The following SCD5 variants were observed in gnomAD, a reference collection of about 807,000 sequenced individuals.
SCD5 encodes the protein acyl-CoA-desaturase 4.
In SCD5, 20 loss-of-function variants were observed where a neutral mutation model predicts 30.4. That is an observed-to-expected ratio of 0.66 (90% CI 0.46 to 0.96). The LOEUF (loss-of-function observed/expected upper bound fraction) is 0.96, where lower values mean the gene tolerates loss of function less well. Ranked by LOEUF, SCD5 falls within the 40% of genes least tolerant of loss-of-function variation. SCD5 has a pLI of 0.00. For synonymous variants in SCD5, 173 were observed against 176.4 expected (o/e 0.98, Z 0.16); for missense variants, 381 against 443.3 (o/e 0.86, Z 1.26).
chr4:82,798,427 G>T lies in SCD5; in HGVS notation c.111C>A (p.Gly37=), dbSNP rs1229030978. Reference sequence around the variant, plus strand: ...CGATGTTCTGCCGCTGCCCGCGCGCGCCTGGCCTCTCCGGGCCGCCGCCGC... The same window carrying T: ...CGATGTTCTGCCGCTGCCCGCGCGCTCCTGGCCTCTCCGGGCCGCCGCCGC... The part of the protein sequence containing the change: ...SEGGGGPERP[G]ARGQRQNIVW... Residue 37 remains glycine, a synonymous_variant, in exon 1 of 5, where the codon GGC becomes GGA. Coordinates refer to ENST00000319540, the MANE Select transcript of SCD5 (RefSeq NM_001037582.3). The T allele has an allele frequency of 1.2e-6, 2 of 1,613,106 alleles. No homozygotes were observed. The highest frequency in any genetic ancestry group is 1.7e-6 in the Non-Finnish European group (2 of 1,179,666).
rs1270134335 is a variant in SCD5 at position 82,677,199 on chromosome 4, C to A, written c.569+3508G>T. Among the ~76,000 whole-genome samples the A allele has an allele frequency of 2.6e-5, 4 of 152,200 alleles. No homozygotes were observed. In the South Asian group the frequency reaches 8.3e-4, roughly 32 times the overall value. On this transcript the variant is annotated intron_variant, in intron 3 of 4. Coordinates refer to ENST00000319540, the MANE Select transcript of SCD5 (RefSeq NM_001037582.3). The stretch of plus-strand genomic sequence containing the variant: ...GAGGCACTTAGCTGATTGATCTGCA[C>A]AAACATTGCACCCTGGGAGTGTGGT...
intron 1 of SCD5, among the ~76,000 whole-genome samples, chr4:82,767,948 A>G (rs2148847599): frequency 6.6e-6 from 1 of 152,306 alleles, no homozygotes; most frequent in South Asian, 2.1e-4. Context: ...CTCTTTTTGA[A>G]GGAAAATAAT....
At chr4:82,730,299 T>C (rs986867421) in intron 1 of SCD5, among the ~76,000 whole-genome samples, 40 of 147,892 alleles carry the variant, frequency 2.7e-4, no homozygotes, top group African/African-American at 9.1e-4. Flanking sequence ...TATAAATGTA[T>C]AATATATATA....
intron 3 of SCD5, among the ~76,000 whole-genome samples, chr4:82,646,013 T>C (rs1482883520): frequency 6.6e-6 from 1 of 151,944 alleles, no homozygotes; most frequent in Non-Finnish European, 1.5e-5. Flanking sequence ...GAGAGTGAAA[T>C]CTATTAGAGC....
chr4:82,741,884 G>A (rs976513212), intron 1 of SCD5, among the ~76,000 whole-genome samples: 5 of 150,972 alleles, frequency 3.3e-5, no homozygotes, highest in Non-Finnish European at 7.4e-5. Flanking sequence ...TAGGTGAAGA[G>A]CTTTTGTTGG....
At chr4:82,676,600 T>C (rs1443612822) in intron 3 of SCD5, among the ~76,000 whole-genome samples, 1 of 152,236 alleles carries the variant, frequency 6.6e-6, no homozygotes, top group African/African-American at 2.4e-5. Flanking sequence ...GAGACTGCTA[T>C]AGGCTCTAGA....
At position 82,744,354 on chromosome 4, in the gene SCD5, C is replaced by T. The variant is rs114793145; in HGVS notation, c.233-38941G>A. On this transcript the variant is annotated intron_variant, in intron 1 of 4. Coordinates refer to ENST00000319540, the MANE Select transcript of SCD5 (RefSeq NM_001037582.3). Reference sequence around the variant, plus strand: ...AACAACTTCTCCAATCACCTGATTACATTTACTCAGGTACAAAAAGTCCCT... The same window carrying T: ...AACAACTTCTCCAATCACCTGATTATATTTACTCAGGTACAAAAAGTCCCT... Among the ~76,000 whole-genome samples, 934 of 152,320 alleles carry T rather than the reference C, an allele frequency of 6.1e-3. 5 individuals carry two copies. The highest frequency in any genetic ancestry group is 9.0e-3 in the Non-Finnish European group (615 of 68,022).
At chr4:82,653,858 G>T (rs1727813285) in intron 3 of SCD5, among the ~76,000 whole-genome samples, 1 of 151,674 alleles carries the variant, frequency 6.6e-6, no homozygotes, top group South Asian at 2.1e-4. Context: ...GATAAGAGTA[G>T]GTTTATAAAA....
At chr4:82,725,003 T>C (rs991610878) in intron 1 of SCD5, among the ~76,000 whole-genome samples, 3 of 152,220 alleles carry the variant, frequency 2.0e-5, no homozygotes, top group African/African-American at 7.2e-5. Flanking sequence ...TGATTATATT[T>C]CAAATTGCAC....
At chr4:82,717,883 T>C (rs1720262753) in intron 1 of SCD5, among the ~76,000 whole-genome samples, 1 of 151,098 alleles carries the variant, frequency 6.6e-6, no homozygotes, top group Non-Finnish European at 1.5e-5. Flanking sequence ...ACCACTGCAC[T>C]CCAGCCTGGG....
In SCD5 at chr4:82,797,584, G is replaced by A. The variant is rs191386792; in HGVS notation, c.232+722C>T. Among the ~76,000 whole-genome samples the A allele has an allele frequency of 4.3e-3, 652 of 152,186 alleles. 4 individuals are homozygous for A. Among genetic ancestry groups the A allele is most frequent in the South Asian group, 6.0e-3 (29 of 4,808 alleles). On this transcript the variant is annotated intron_variant, in intron 1 of 4. Coordinates refer to ENST00000319540, the MANE Select transcript of SCD5 (RefSeq NM_001037582.3). ...GTTCCCACTGGCCACATGGGAACAG[G>A]GTTTGGAGAAGGCTCTGCACAGCCA...
chr4:82,762,444 T>A (rs2148846259), intron 1 of SCD5, among the ~76,000 whole-genome samples: 1 of 152,252 alleles, frequency 6.6e-6, no homozygotes, highest in East Asian at 1.9e-4. Context: ...GGTTTCACCA[T>A]GTTGGCCAGG....
chr4:82,775,886 T>C (rs1041059017), intron 1 of SCD5: 2 of 152,126 alleles, frequency 1.3e-5, no homozygotes, highest in African/African-American at 4.8e-5. Context: ...ATTTGAAACA[T>C]AGAGGCTGCA....
At chr4:82,667,865 A>C (rs1000073536) in intron 3 of SCD5, among the ~76,000 whole-genome samples, 2 of 152,206 alleles carry the variant, frequency 1.3e-5, no homozygotes, top group Non-Finnish European at 2.9e-5. Context: ...GTGAGGGCAG[A>C]GTAACAGAGA....
At chr4:82,732,193 C>A (rs549173738) in intron 1 of SCD5, among the ~76,000 whole-genome samples, 1 of 151,990 alleles carries the variant, frequency 6.6e-6, no homozygotes, top group African/African-American at 2.4e-5. Context: ...CTCTGCCTCC[C>A]GAGTTCAAGC....
chr4:82,778,706 CT>C (rs905155517), intron 1 of SCD5, among the ~76,000 whole-genome samples: 1 of 152,160 alleles, frequency 6.6e-6, no homozygotes, highest in African/African-American at 2.4e-5. Flanking sequence ...CCTATGATAA[CT>C]GAAGGAACCA....
chr4:82,696,394 G>A (rs1719695977), intron 2 of SCD5, among the ~76,000 whole-genome samples: 1 of 152,160 alleles, frequency 6.6e-6, no homozygotes, highest in African/African-American at 2.4e-5. Flanking sequence ...TGATAAACAA[G>A]GACCAATGAT....
Position 82,636,829 on chromosome 4 carries a change from G to C in SCD5, c.570-6C>G. On this transcript the variant is annotated splice_region_variant and splice_polypyrimidine_tract_variant and intron_variant, in intron 3 of 4. Coordinates refer to ENST00000319540, the MANE Select transcript of SCD5 (RefSeq NM_001037582.3). ...CCACGGAGATCTTATAGTACCTACA[G>C]GGCAAGACACCATATCACCATGAGG... 1 of 1,603,448 alleles carries C rather than the reference G, an allele frequency of 6.2e-7. No individual in the cohort carries two copies. The highest frequency in any genetic ancestry group is 8.5e-7 in the Non-Finnish European group (1 of 1,174,164).
At chr4:82,649,187 GT>G (rs1560523808) in intron 3 of SCD5, among the ~76,000 whole-genome samples, 2 of 22,892 alleles carry the variant, frequency 8.7e-5, no homozygotes, top group African/African-American at 2.5e-4. Context: ...AGGGGTGTGT[GT>G]GTGTGTGTGT....
Sources: gnomAD v4.1 joint callset for allele counts (sites outside exome capture counted in the v4.1 genomes callset) on GRCh38, gnomAD v4.1.1 for gene constraint, MANE v1.5 for transcripts, NCBI Gene and HGNC (gene_info 2026-07-23, HGNC 2026-07-21) for gene names.